The following MYH14 variants were observed in gnomAD, a reference collection of about 807,000 sequenced individuals.
The protein encoded by MYH14 is myosin-14.
In MYH14, 123 loss-of-function variants were observed where a neutral mutation model predicts 255.5. The ratio of observed to expected loss-of-function variants is 0.48; its 90% CI spans 0.42 to 0.56. The LOEUF is 0.56. MYH14 is among the 20% of genes least tolerant of loss of function. The pLI is 0.00. For missense variants in MYH14, 2,423 were observed against 2,802.3 expected, an observed-to-expected ratio of 0.86 and a Z score of 3.06; for synonymous variants, 1,095 against 1,161.2, an observed-to-expected ratio of 0.94 and a Z score of 1.16.
chr19:50,276,955 A>T lies in MYH14; in HGVS notation c.3825+54A>T. The T allele has an allele frequency of 6.9e-7, 1 of 1,440,902 alleles. No homozygotes were observed. Among genetic ancestry groups the T allele is most frequent in the Non-Finnish European group, 9.5e-7 (1 of 1,053,644 alleles). 89.3% of individuals were successfully genotyped at this position (1,440,902 alleles called of 1,614,324 possible). On this transcript the variant is annotated intron_variant, in intron 29 of 42. Coordinates refer to ENST00000642316, the MANE Select transcript of MYH14 (RefSeq NM_001145809.2). This position sits in a 1 kb window ranked among gnomAD's most constrained non-coding sequence, Gnocchi z 4.3. ...GGGGCCACGGGGAGGGCAGGGCAGG[A>T]CGCGGGGTTGGAGGAGGTACCGCTG...
At chr19:50,220,504 T>C (rs1365255379) in intron 3 of MYH14, among the ~76,000 whole-genome samples, 4 of 151,346 alleles carry the variant, frequency 2.6e-5, no homozygotes, top group Non-Finnish European at 5.9e-5. Flanking sequence ...TTAAATAGTA[T>C]AACATATTAA....
chr19:50,290,875 C>G lies in MYH14; in HGVS notation c.4966-12C>G. 1.3e-6 allele frequency: 2 copies of G among 1,551,946 alleles called. No homozygotes were observed. Among genetic ancestry groups the G allele is most frequent in the Non-Finnish European group, 1.7e-6 (2 of 1,148,422 alleles). ...CTGTGTCTGACCCGGTCCCTCCTGA[C>G]CTCCTCTCCAGCTGAGAGATGCAGA... On this transcript the variant is annotated splice_polypyrimidine_tract_variant and intron_variant, in intron 35 of 42. Coordinates refer to ENST00000642316, the MANE Select transcript of MYH14 (RefSeq NM_001145809.2).
chr19:50,245,582 G>C (rs2034081143), intron 11 of MYH14, among the ~76,000 whole-genome samples: 1 of 152,172 alleles, frequency 6.6e-6, no homozygotes. Context: ...TGTGGATATA[G>C]AGTGTCACAG....
chr19:50,268,462 G>A, intron 24 of MYH14, 95 bp downstream of exon 24: 2 of 1,335,292 alleles, frequency 1.5e-6, no homozygotes, highest in Middle Eastern at 2.1e-4. Context: ...TTTGGGCCAT[G>A]AATTTGTAGA....
rs2052733033 is a variant in MYH14 at position 50,257,505 on chromosome 19, G to A, written c.2232+19G>A. 2 of 1,584,646 alleles carry A rather than the reference G, an allele frequency of 1.3e-6. No homozygotes were observed. Among genetic ancestry groups the A allele is most frequent in the Admixed American group, 1.8e-5 (1 of 55,674 alleles). On this transcript the variant is annotated intron_variant, in intron 18 of 42. Transcript: ENST00000642316. ...GAAGAGGGTGAGTGACTCAGCCTGG[G>A]GAGGAAGGGGTGGCTGTGGCTGTGG... is the stretch of plus-strand genomic sequence containing the variant.
intron 27 of MYH14, among the ~76,000 whole-genome samples, chr19:50,273,340 C>CTTGGCCT (rs971595184): frequency 6.7e-6 from 1 of 150,074 alleles, no homozygotes; most frequent in African/African-American, 2.5e-5. Flanking sequence ...CTCTTCCCTG[C>CTTGGCCT]TTGGCCTCCC....
intron 22 of MYH14, among the ~76,000 whole-genome samples, chr19:50,265,288 C>T (rs900861329): frequency 6.7e-5 from 10 of 148,780 alleles, no homozygotes; most frequent in African/African-American, 2.2e-4. Flanking sequence ...AAGGCAGGAG[C>T]ATCACTTGAG....
intron 2 of MYH14, among the ~76,000 whole-genome samples, chr19:50,212,556 G>A (rs2032255216): frequency 6.6e-6 from 1 of 152,342 alleles, no homozygotes; most frequent in South Asian, 2.1e-4. Flanking sequence ...TTGAACCCAG[G>A]CAGCTGGTTC....
chr19:50,288,449 G>A (rs2035963447), intron 34 of MYH14, among the ~76,000 whole-genome samples: 1 of 152,164 alleles, frequency 6.6e-6, no homozygotes, highest in Admixed American at 6.5e-5. Context: ...TCCGTCCCTT[G>A]GGAAAAATGT....
Position 50,246,622 on chromosome 19 carries a change from C to CAAACAAAACAAAACA in MYH14, c.1211-374_1211-360dup, listed in dbSNP as rs548519015. ...GGGTGATAAGAGCCAAACTCTGTCT[C>CAAACAAAACAAAACA]AAACAAAACAAAACAAAACAAACAA... On this transcript the variant is annotated intron_variant, in intron 11 of 42. Coordinates refer to ENST00000642316, the MANE Select transcript of MYH14 (RefSeq NM_001145809.2). Among the ~76,000 whole-genome samples, 1,256 of 148,418 alleles carry CAAACAAAACAAAACA rather than the reference C, an allele frequency of 8.5e-3. 12 individuals carry two copies. The highest frequency in any genetic ancestry group is 0.027 in the African/African-American group (1,089 of 40,526).
At position 50,207,261 on chromosome 19, in the gene MYH14, GAGAGAGAGAC is replaced by G. The variant is rs1235632479; in HGVS notation, c.-3-3092_-3-3083del. Among the ~76,000 whole-genome samples the G allele has an allele frequency of 1.3e-3, 173 of 130,718 alleles. 2 individuals are homozygous for G. Among genetic ancestry groups the G allele is most frequent in the East Asian group, 0.013 (35 of 2,726 alleles). 85.8% of individuals were successfully genotyped at this position (130,718 alleles called of 152,430 possible). On this transcript the variant is annotated intron_variant, in intron 1 of 42. Coordinates refer to ENST00000642316, the MANE Select transcript of MYH14 (RefSeq NM_001145809.2). The stretch of plus-strand genomic sequence containing the variant: ...AAAGAGAGAGAGAGAGAGAGAAAGA[GAGAGAGAGAC>G]AGAGAGAGAGAGAGAGAGAGAGAGA...
intron 34 of MYH14, among the ~76,000 whole-genome samples, chr19:50,288,575 C>T (rs1025342414): frequency 9.2e-5 from 14 of 152,142 alleles, no homozygotes; most frequent in African/African-American, 3.4e-4. Flanking sequence ...GGAAGGGAGG[C>T]TAGAGGGCCC....
chr19:50,277,937 G>T, intron 29 of MYH14, 146 bp from the exon 30 acceptor site: 2 of 523,338 alleles, frequency 3.8e-6, no homozygotes, highest in Non-Finnish European at 3.0e-6. Flanking sequence ...AAAAAAATTG[G>T]GAGTGAGGGG....
intron 10 of MYH14, among the ~76,000 whole-genome samples, chr19:50,242,763 C>T (rs1200365344): frequency 2.6e-5 from 4 of 152,146 alleles, no homozygotes; most frequent in Non-Finnish European, 2.9e-5. Flanking sequence ...TGGTCATTTA[C>T]GGTCCTGCGT....
At chr19:50,225,736 AG>A in intron 7 of MYH14, 59 bp downstream of exon 7, 5 of 1,271,112 alleles carry the variant, frequency 3.9e-6, no homozygotes, top group Non-Finnish European at 5.5e-6. Flanking sequence ...TGGGAACCTC[AG>A]GGTGGGCTTC....
chr19:50,233,504 T>C lies in MYH14; in HGVS notation c.1114+1434T>C, dbSNP rs2033508041. On this transcript the variant is annotated intron_variant, in intron 10 of 42. Coordinates refer to ENST00000642316, the MANE Select transcript of MYH14 (RefSeq NM_001145809.2). ...ACTTTTTTCACCAAACAGCATGTTT[T>C]GACAGCAGCTCTGTCTCAGTGCTGC... 3.3e-5 allele frequency among the ~76,000 whole-genome samples: 5 copies of C among 152,234 alleles called. No individual in the cohort carries two copies. The South Asian group carries it at 1.0e-3, about 32-fold the overall frequency.
At chr19:50,261,661 G>A (rs1230008743) in intron 21 of MYH14, 26 bp downstream of exon 21, 2 of 1,560,068 alleles carry the variant, frequency 1.3e-6, no homozygotes, top group Non-Finnish European at 1.7e-6. Flanking sequence ...GTCTCCCGGG[G>A]TCCTGTTGGC....
At chr19:50,278,032 C>A in intron 29 of MYH14, 51 bp from the exon 30 acceptor site, 1 of 1,423,216 alleles carries the variant, frequency 7.0e-7, no homozygotes, top group Non-Finnish European at 9.4e-7. Context: ...TGTGCCTGGC[C>A]TGGTCCAGGA....
chr19:50,287,929 A>G lies in MYH14; in HGVS notation c.4752+1235A>G, dbSNP rs555104952. ...ACACACACACAGTGTGAGGACTCCC[A>G]CTTTGCCTGCCACCAATTCCACTGA... On this transcript the variant is annotated intron_variant, in intron 34 of 42. Coordinates refer to ENST00000642316, the MANE Select transcript of MYH14 (RefSeq NM_001145809.2). Among the ~76,000 whole-genome samples, 9 of 151,952 alleles carry G rather than the reference A, an allele frequency of 5.9e-5. No individual in the cohort carries two copies. The South Asian group carries it at 1.9e-3, about 32-fold the overall frequency.
Sources: gnomAD v4.1 joint callset for allele counts (sites outside exome capture counted in the v4.1 genomes callset) on GRCh38, gnomAD v4.1.1 for gene constraint, Gnocchi (gnomAD v3.1) non-coding constraint, MANE v1.5 for transcripts, NCBI Gene and HGNC (gene_info 2026-07-23, HGNC 2026-07-21) for gene names.